CAMK1D: variants seen among roughly 807,000 people sequenced by gnomAD.
CAMK1D encodes calcium/calmodulin dependent protein kinase ID, also known as calcium/calmodulin-dependent protein kinase type 1D.
A neutral mutation model predicts 47.7 loss-of-function variants in CAMK1D; 9 were observed. The observed-to-expected ratio is 0.19, with a 90% confidence interval of 0.11 to 0.33. The LOEUF (loss-of-function observed/expected upper bound fraction) is 0.33. CAMK1D is among the 10% of genes least tolerant of loss of function. The pLI, the probability that CAMK1D is intolerant of heterozygous loss-of-function variation, is 1.00. For missense variants in CAMK1D, 291 were observed against 488.7 expected (o/e 0.60, Z 3.81); for synonymous variants, 184 against 184.9 (o/e 0.99, Z 0.04).
chr10:12,750,226 C>A (rs1394405167), intron 3 of CAMK1D, among the ~76,000 whole-genome samples: 1 of 152,196 alleles, frequency 6.6e-6, no homozygotes, highest in East Asian at 1.9e-4. Context: ...CTGCCCTGTC[C>A]ATGTGGCACA....
At chr10:12,510,432 A>C (rs1164919122) in intron 1 of CAMK1D, among the ~76,000 whole-genome samples, 1 of 152,176 alleles carries the variant, frequency 6.6e-6, no homozygotes, top group African/African-American at 2.4e-5. Context: ...AATAATAATA[A>C]AAGAGTGTAG....
At chr10:12,504,836 C>T (rs1834821835) in intron 1 of CAMK1D, among the ~76,000 whole-genome samples, 1 of 152,150 alleles carries the variant, frequency 6.6e-6, no homozygotes, top group African/African-American at 2.4e-5. Context: ...TTGAATTCTG[C>T]AGTGCACACA....
intron 1 of CAMK1D, among the ~76,000 whole-genome samples, chr10:12,486,163 C>CT (rs55689904): frequency 4.4e-4 from 63 of 143,302 alleles, no homozygotes; most frequent in Middle Eastern, 3.5e-3. Context: ...TTGCCAGTCT[C>CT]TTTTTTTTTT....
chr10:12,387,388 TATTATATATTTTTATATATTATA>T (rs1490532274), intron 1 of CAMK1D, among the ~76,000 whole-genome samples: 3 of 32,052 alleles, frequency 9.4e-5, no homozygotes, highest in Non-Finnish European at 3.3e-4. Context: ...ATATTATATA[TATTATATATTTTTATATATTATA>T]TATATTTTAT....
intron 2 of CAMK1D, among the ~76,000 whole-genome samples, chr10:12,661,671 T>C (rs1840277888): frequency 1.3e-5 from 2 of 152,194 alleles, no homozygotes; most frequent in Admixed American, 1.3e-4. Flanking sequence ...CTGAGGAAAT[T>C]GCACTTATCA....
At chr10:12,464,011 C>T (rs1833517087) in intron 1 of CAMK1D, among the ~76,000 whole-genome samples, 1 of 152,150 alleles carries the variant, frequency 6.6e-6, no homozygotes, top group African/African-American at 2.4e-5. Flanking sequence ...GAGGCCTCCC[C>T]AGCCATGCTG....
At chr10:12,574,922 T>C (rs952937291) in intron 2 of CAMK1D, among the ~76,000 whole-genome samples, 1 of 152,022 alleles carries the variant, frequency 6.6e-6, no homozygotes, top group Non-Finnish European at 1.5e-5. Context: ...GAACTCACTA[T>C]GAGGAGAACA....
intron 2 of CAMK1D, among the ~76,000 whole-genome samples, chr10:12,570,391 A>T (rs970094445): frequency 6.6e-6 from 1 of 151,424 alleles, no homozygotes; most frequent in Non-Finnish European, 1.5e-5. Flanking sequence ...TTTCAGATCT[A>T]TGAGGGGCTG....
At chr10:12,622,249 G>A (rs894937758) in intron 2 of CAMK1D, among the ~76,000 whole-genome samples, 2 of 152,182 alleles carry the variant, frequency 1.3e-5, no homozygotes, top group East Asian at 1.9e-4. Flanking sequence ...GTTCCTGTAG[G>A]ATTTGGCTGG....
chr10:12,528,281 C>T (rs1835691445), intron 1 of CAMK1D, among the ~76,000 whole-genome samples: 1 of 152,228 alleles, frequency 6.6e-6, no homozygotes, highest in Non-Finnish European at 1.5e-5. Flanking sequence ...TTGACTATCA[C>T]ATATTAGCAC....
At position 12,824,473 on chromosome 10, in the gene CAMK1D, G is replaced by C. The variant is rs1324031455; in HGVS notation, c.842G>C (p.Gly281Ala). 6.2e-7 allele frequency: 1 copy of C among 1,613,962 alleles called. No individual in the cohort carries two copies. ...CTTTGCCTCTGTTTCAGGATCGCTGGTGACACAGCCCTCAACAAAAACATC... is the reference window on the plus strand; with the variant it reads ...CTTTGCCTCTGTTTCAGGATCGCTGCTGACACAGCCCTCAACAAAAACATC... Reference protein sequence around the residue: ...EQAARHPWIAGDTALNKNIHE... With the variant: ...EQAARHPWIAADTALNKNIHE... The change falls in exon 9 of 11, where the codon GGT becomes GCT. Residue 281 changes from glycine to alanine, a missense_variant. This residue lies in a region of CAMK1D where 219 missense variants were observed against 424.3 expected (regional missense o/e 0.52). Coordinates refer to ENST00000619168, the MANE Select transcript of CAMK1D (RefSeq NM_153498.4).
At chr10:12,729,954 C>G (rs1203953641) in intron 3 of CAMK1D, among the ~76,000 whole-genome samples, 1 of 152,092 alleles carries the variant, frequency 6.6e-6, no homozygotes, top group Non-Finnish European at 1.5e-5. Flanking sequence ...TTTTAGGCTC[C>G]CCAGGACTCC....
intron 1 of CAMK1D, among the ~76,000 whole-genome samples, chr10:12,419,121 C>A (rs1243504348): frequency 6.6e-6 from 1 of 152,174 alleles, no homozygotes; most frequent in Non-Finnish European, 1.5e-5. Context: ...AAATGAATGG[C>A]ATTCCCTCCT....
chr10:12,414,288 TTC>T (rs1399607983), intron 1 of CAMK1D, among the ~76,000 whole-genome samples: 1 of 152,248 alleles, frequency 6.6e-6, no homozygotes, highest in Non-Finnish European at 1.5e-5. Context: ...GCAGTAAACT[TTC>T]TGTGTTGCAA....
intron 1 of CAMK1D, among the ~76,000 whole-genome samples, chr10:12,501,745 C>T (rs1394886782): frequency 6.6e-6 from 1 of 151,624 alleles, no homozygotes; most frequent in Admixed American, 6.6e-5. Context: ...ATCGAGGATG[C>T]TGTTAAACAT....
At chr10:12,788,439 G>C (rs143409408) in intron 5 of CAMK1D, among the ~76,000 whole-genome samples, 3 of 152,234 alleles carry the variant, frequency 2.0e-5, no homozygotes, top group Non-Finnish European at 4.4e-5. Flanking sequence ...CTGGAACCTA[G>C]CGCCTCCACC....
chr10:12,784,150 C>T (rs1305148604), intron 5 of CAMK1D, among the ~76,000 whole-genome samples: 4 of 152,016 alleles, frequency 2.6e-5, no homozygotes, highest in Non-Finnish European at 5.9e-5. Flanking sequence ...TTTCTTTCTG[C>T]CCTTTGCCCC....
intron 2 of CAMK1D, among the ~76,000 whole-genome samples, chr10:12,564,155 C>G (rs61848324): frequency 0.18 from 18,161 of 102,228 alleles, 1,668 homozygotes; most frequent in East Asian, 0.42. Context: ...CTGTCTCTCT[C>G]TCTCTCTCTC....
chr10:12,553,252 T>C lies in CAMK1D; in HGVS notation c.120T>C (p.Ala40=). 6.2e-7 allele frequency: 1 copy of C among 1,614,206 alleles called. No individual in the cohort carries two copies. Among genetic ancestry groups the C allele is most frequent in the Non-Finnish European group, 8.5e-7 (1 of 1,180,032 alleles). The part of the protein sequence containing the change: ...GTGAFSEVVL[A]EEKATGKLFA... ...GGGCCTTTTCCGAAGTGGTTTTAGC[T>C]GAAGAGAAGGCAACTGGCAAGCTCT... Residue 40 remains alanine (A), a synonymous_variant, in exon 2 of 11, where the codon GCT becomes GCC. Coordinates refer to ENST00000619168, the MANE Select transcript of CAMK1D (RefSeq NM_153498.4).
Sources: gnomAD v4.1 joint callset for allele counts (sites outside exome capture counted in the v4.1 genomes callset) on GRCh38, gnomAD v4.1.1 for gene constraint, gnomAD v4.1.1 regional missense constraint, MANE v1.5 for transcripts, NCBI Gene and HGNC (gene_info 2026-07-23, HGNC 2026-07-21) for gene names.